Variants in OGG1 observed in about 807,000 individuals in gnomAD.
OGG1 encodes the protein 8-oxoguanine DNA glycosylase.
Under a neutral mutation model 42.3 loss-of-function variants are expected in OGG1, and 35 were observed. That is an observed-to-expected ratio of 0.83 (90% CI 0.63 to 1.10). OGG1 has a LOEUF of 1.10. Among genes scored for constraint, OGG1 ranks in the 50% least tolerant of loss-of-function variants. The pLI, the probability that OGG1 is intolerant of heterozygous loss-of-function variation, is 0.00. For missense variants in OGG1, 484 were observed against 446.7 expected (o/e 1.08, Z -0.75); for synonymous variants, 189 against 179.0 (o/e 1.06, Z -0.44).
chr3:9,762,640 C>T (rs1356250082), intron 7 of OGG1, among the ~76,000 whole-genome samples: 1 of 152,012 alleles, frequency 6.6e-6, no homozygotes, highest in Non-Finnish European at 1.5e-5. Flanking sequence ...GCTGGGATTA[C>T]AGGCGTGAGC....
downstream of OGG1, chr3:9,761,836 T>G: frequency 6.4e-7 from 1 of 1,554,758 alleles, no homozygotes; most frequent in Non-Finnish European, 8.7e-7. Flanking sequence ...TCCAAGCACC[T>G]TCTGAGAAAT....
chr3:9,777,530 G>A (rs962357951), intron 2 of OGG1, among the ~76,000 whole-genome samples: 2 of 152,092 alleles, frequency 1.3e-5, no homozygotes, highest in East Asian at 3.9e-4. Flanking sequence ...CTCCTTGGAG[G>A]TGCATGGTAA....
downstream of OGG1, among the ~76,000 whole-genome samples, chr3:9,770,374 G>T (rs1032241818): frequency 6.6e-6 from 1 of 152,112 alleles, no homozygotes; most frequent in African/African-American, 2.4e-5. Context: ...AACTGCACGG[G>T]AGTCTGGTGG....
downstream of OGG1, chr3:9,758,884 C>T (rs1359387547): frequency 1.4e-5 from 5 of 365,982 alleles, no homozygotes; most frequent in East Asian, 2.7e-4. Flanking sequence ...ACCACCTCGG[C>T]CTCCCAAAGT....
chr3:9,790,141 C>T (rs189361454), downstream of OGG1, among the ~76,000 whole-genome samples: 16 of 152,270 alleles, frequency 1.1e-4, no homozygotes, highest in Admixed American at 9.2e-4. Context: ...CTGTGCCTGG[C>T]CTCCTAGAAC....
chr3:9,750,429 T>G lies in OGG1; in HGVS notation c.137+6T>G. 4 of 1,613,664 alleles carry G rather than the reference T, an allele frequency of 2.5e-6. No individual in the cohort carries two copies. Among genetic ancestry groups the G allele is most frequent in the Non-Finnish European group, 3.4e-6 (4 of 1,180,000 alleles). On this transcript the variant is annotated splice_donor_region_variant and intron_variant, in intron 1 of 6. Coordinates refer to ENST00000344629, the MANE Select transcript of OGG1 (RefSeq NM_002542.6). Reference sequence around the variant, plus strand: ...CCTTCTGGACAATCTTTCCGGTGAGTGACTGAGCCTGAGAAGCCTGTCCCC... The same window carrying G: ...CCTTCTGGACAATCTTTCCGGTGAGGGACTGAGCCTGAGAAGCCTGTCCCC...
At chr3:9,757,579 G>T, downstream of OGG1, 1 of 1,614,104 alleles carries the variant, frequency 6.2e-7, no homozygotes, top group Non-Finnish European at 8.5e-7. The surrounding 1 kb of genome is among the most constrained non-coding windows in gnomAD (Gnocchi z 4.5). Context: ...TTCTGTGCCC[G>T]GCTCCACGCA....
intron 3 of OGG1, chr3:9,781,700 C>T (rs2078469923): frequency 7.1e-6 from 3 of 424,106 alleles, no homozygotes; most frequent in African/African-American, 4.1e-5. Flanking sequence ...GTCCAGCCTG[C>T]CAGTTTTCCA....
At chr3:9,759,433 G>A, downstream of OGG1, 2 of 1,611,836 alleles carry the variant, frequency 1.2e-6, no homozygotes, top group Non-Finnish European at 1.7e-6. Flanking sequence ...AGCCTGGGTA[G>A]GGATGGGGAG....
chr3:9,760,278 A>G, downstream of OGG1: 1 of 197,466 alleles, frequency 5.1e-6, no homozygotes, highest in Non-Finnish European at 1.1e-5. Context: ...GTTGTTCTTG[A>G]CTAATCTCAG....
chr3:9,750,670 C>G (rs1284527232), intron 1 of OGG1: 2 of 696,672 alleles, frequency 2.9e-6, no homozygotes, highest in Admixed American at 5.2e-5. Flanking sequence ...GACAGGGTCT[C>G]GCTCTGTTGC....
At chr3:9,756,988 A>G (rs201377097) in intron 6 of OGG1, 73 bp from the exon 7 acceptor site, 5 of 1,612,682 alleles carry the variant, frequency 3.1e-6, no homozygotes, top group Non-Finnish European at 2.5e-6. Context: ...TCCACCTCCC[A>G]ACACTGTCAC....
In OGG1 at chr3:9,749,982, C is replaced by G. The variant is rs1228256426; in HGVS notation, c.-305C>G. The G allele has an allele frequency of 2.3e-6, 1 of 432,574 alleles. No individual in the cohort carries two copies. The highest frequency in any genetic ancestry group is 3.9e-5 in the East Asian group (1 of 25,820). The allele number at this position is 432,574 out of a possible 1,614,324, so 26.8% of individuals were successfully genotyped here. A position where few individuals can be genotyped will look rare whatever the true frequency, so the allele number is the denominator to read the frequency against. On this transcript the variant is annotated 5_prime_UTR_variant, in exon 1 of 7. Transcript: ENST00000344629. ...TGCTGTGGTCTGCCCCTGGAGAACC[C>G]AGAAGAACACAGCTGTGCGCGCCCA... is the stretch of plus-strand genomic sequence containing the variant.
intron 3 of OGG1, chr3:9,787,179 C>T (rs1163421043): frequency 1.2e-6 from 2 of 1,614,042 alleles, no homozygotes; most frequent in African/African-American, 1.3e-5. Flanking sequence ...CTGGGGTTGG[C>T]AGGGAGGTGA....
rs774364199 is a variant in OGG1 at position 9,751,796 on chromosome 3, A to G, written c.412A>G (p.Ile138Val). 4.5e-5 allele frequency: 72 copies of G among 1,614,012 alleles called. No individual in the cohort carries two copies. The highest frequency in any genetic ancestry group is 4.6e-5 in the Non-Finnish European group (54 of 1,180,026). ...QGVRLLRQDP[I>V]ECLFSFICSS... ...TGTGCGACTGCTGCGACAAGACCCC[A>G]TCGAATGCCTTTTCTCTTTTATCTG... is the stretch of plus-strand genomic sequence containing the variant. The change falls in exon 3 of 7, where the codon ATC becomes GTC. Residue 138 changes from isoleucine (I) to valine (V), a missense_variant. Transcript: ENST00000344629.
downstream of OGG1, chr3:9,760,899 C>G: frequency 7.4e-7 from 1 of 1,350,166 alleles, no homozygotes; most frequent in Non-Finnish European, 1.0e-6. Context: ...TCTACCAGCC[C>G]TGCCTGCTCA....
chr3:9,752,814 G>A (rs1313417587), intron 3 of OGG1, among the ~76,000 whole-genome samples: 1 of 152,174 alleles, frequency 6.6e-6, no homozygotes, highest in Non-Finnish European at 1.5e-5. Context: ...ACTTTGGGAG[G>A]TCGAGGCAGG....
rs1459154808 is a variant in OGG1 at position 9,764,625 on chromosome 3, TTTG to T, written c.1049-1181_1049-1179del. Among the ~76,000 whole-genome samples, 463 of 127,822 alleles carry T rather than the reference TTTG, an allele frequency of 3.6e-3. 20 individuals carry two copies. The highest frequency in any genetic ancestry group is 8.6e-3 in the African/African-American group (278 of 32,444). The allele number at this position is 127,822 out of a possible 152,430, so 83.9% of individuals were successfully genotyped here. ...CTGCGCCTGGCGTTTTTGTTTTTTT[TTTG>T]TTTTTTTTTTTTTTTTTGAGATGGA... On this transcript the variant is annotated intron_variant, in intron 7 of 7. Transcript: ENST00000302008.
chr3:9,750,315 G>T lies in OGG1; in HGVS notation c.29G>T (p.Arg10Leu). The T allele has an allele frequency of 3.1e-6, 5 of 1,613,258 alleles. No homozygotes were observed. Among genetic ancestry groups the T allele is most frequent in the Non-Finnish European group, 3.4e-6 (4 of 1,179,710 alleles). ...CCTGCCCGCGCGCTTCTGCCCAGGC[G>T]CATGGGGCATCGTACTCTAGCCTCC... MPARALLPR[R>L]MGHRTLASTP... Residue 10 changes from arginine (R) to leucine (L), a missense_variant, in exon 1 of 7, where the codon CGC (arginine) becomes CTC (leucine). Transcript: ENST00000344629.
Sources: gnomAD v4.1 joint callset for allele counts (sites outside exome capture counted in the v4.1 genomes callset) on GRCh38, gnomAD v4.1.1 for gene constraint, Gnocchi (gnomAD v3.1) non-coding constraint, MANE v1.5 for transcripts, NCBI Gene and HGNC (gene_info 2026-07-23, HGNC 2026-07-21) for gene names.